NAE1: variants seen among roughly 807,000 people sequenced by gnomAD.
The protein encoded by NAE1 is NEDD8 activating enzyme E1 subunit 1.
NAE1 carries 59 observed loss-of-function variants against 88.0 expected under a neutral mutation model. The ratio of observed to expected loss-of-function variants is 0.67; its 90% CI spans 0.54 to 0.83. The LOEUF (loss-of-function observed/expected upper bound fraction) is 0.83, where lower values mean the gene tolerates loss of function less well. NAE1 is among the 40% of genes least tolerant of loss of function. The pLI, the probability that NAE1 is intolerant of heterozygous loss-of-function variation, is 0.00. For synonymous variants in NAE1, 186 were observed against 208.9 expected (o/e 0.89, Z 0.95); for missense variants, 554 against 632.8 (o/e 0.88, Z 1.34).
Position 66,830,834 on chromosome 16 carries a change from A to G in NAE1, c.53+13T>C. 6.6e-7 allele frequency: 1 copy of G among 1,508,678 alleles called. No individual in the cohort carries two copies. Among genetic ancestry groups the G allele is most frequent in the Non-Finnish European group, 8.8e-7 (1 of 1,135,698 alleles). The allele number at this position is 1,508,678 out of a possible 1,614,324, so 93.5% of individuals were successfully genotyped here. On this transcript the variant is annotated intron_variant, in intron 1 of 19. Transcript: ENST00000290810. ...CCGCCGGCCCGCCCTCGGCTCGGTG[A>G]GCCTCGGCTCACCTCAGCTGCCGGT...
In NAE1 at chr16:66,830,928, G is replaced by A. The variant is rs905698994; in HGVS notation, c.-29C>T. 1.2e-5 allele frequency: 18 copies of A among 1,512,850 alleles called. No homozygotes were observed. The highest frequency in any genetic ancestry group is 1.1e-4 in the East Asian group (4 of 36,416). The allele number at this position is 1,512,850 out of a possible 1,614,324, so 93.7% of individuals were successfully genotyped here. ...CGCGCCTGCCGCGCGGAAAACAGCC[G>A]AGCCCCTGCGGAGCGCCGCCACCAG... On this transcript the variant is annotated 5_prime_UTR_variant, in exon 1 of 20. Coordinates refer to ENST00000290810, the MANE Select transcript of NAE1 (RefSeq NM_003905.4).
rs363208 is a variant in NAE1 at position 66,819,165 on chromosome 16, G to C, written c.512-528C>G. On this transcript the variant is annotated intron_variant, in intron 7 of 19. Transcript: ENST00000290810. ...TAAAAGTAAAACCAAGATTCCTTTA[G>C]AACACAATTTGTTCTAACTGGAAAA... 4.3e-3 allele frequency among the ~76,000 whole-genome samples: 651 copies of C among 152,212 alleles called. 15 individuals are homozygous for C. Among genetic ancestry groups the C allele is most frequent in the Admixed American group, 0.037 (561 of 15,284 alleles).
At position 66,806,166 on chromosome 16, in the gene NAE1, T is replaced by C; in HGVS notation, c.1331-140A>G. 7 of 965,618 alleles carry C rather than the reference T, an allele frequency of 7.2e-6. No homozygotes were observed. The South Asian group carries it at 1.0e-4, about 14-fold the overall frequency. The allele number at this position is 965,618 out of a possible 1,614,324, so 59.8% of individuals were successfully genotyped here. A position where few individuals can be genotyped will look rare whatever the true frequency, so the allele number is the denominator to read the frequency against. On this transcript the variant is annotated intron_variant, in intron 17 of 19. Coordinates refer to ENST00000290810, the MANE Select transcript of NAE1 (RefSeq NM_003905.4). ...CAAAAATAACAAAGTATGAGACCAA[T>C]ATTTGCACATATCACAAACCTATAA...
At chr16:66,817,663 AC>A (rs1404409265) in intron 8 of NAE1, among the ~76,000 whole-genome samples, 176 bp from the exon 9 acceptor site, 1 of 152,180 alleles carries the variant, frequency 6.6e-6, no homozygotes, top group Non-Finnish European at 1.5e-5. Context: ...AGAGGCAGAT[AC>A]CTAGTATGTC....
chr16:66,828,188 T>C (rs144299179), intron 1 of NAE1: 2 of 817,622 alleles, frequency 2.4e-6, no homozygotes, highest in Middle Eastern at 4.9e-4. Flanking sequence ...GAGAGTAAAT[T>C]TAAGAATACT....
intron 1 of NAE1, 53 bp downstream of exon 1, chr16:66,830,794 C>T: frequency 6.7e-7 from 1 of 1,492,936 alleles, no homozygotes; most frequent in Non-Finnish European, 8.9e-7. Flanking sequence ...AGGCCCGGCC[C>T]GAATGCTGGA....
At chr16:66,803,621 C>T (rs1342214431) in intron 19 of NAE1, among the ~76,000 whole-genome samples, 1 of 150,568 alleles carries the variant, frequency 6.6e-6, no homozygotes, top group Non-Finnish European at 1.5e-5. Flanking sequence ...ACTAGAGTCT[C>T]ACTCTGTCAC....
chr16:66,815,412 G>T (rs1440492430), intron 11 of NAE1, among the ~76,000 whole-genome samples: 1 of 152,126 alleles, frequency 6.6e-6, no homozygotes, highest in Non-Finnish European at 1.5e-5. Flanking sequence ...GCAGTGCAGT[G>T]GCACAATCAT....
At chr16:66,821,689 G>A in intron 6 of NAE1, 130 bp from the exon 7 acceptor site, 1 of 691,438 alleles carries the variant, frequency 1.4e-6, no homozygotes, top group Admixed American at 3.7e-5. Context: ...GTACATAACT[G>A]CATTTACATA....
intron 11 of NAE1, among the ~76,000 whole-genome samples, chr16:66,815,813 C>A (rs1271397299): frequency 2.0e-5 from 3 of 151,796 alleles, no homozygotes; most frequent in Admixed American, 2.0e-4. Context: ...AGGTGCCCAC[C>A]ACCATGCCCA....
At position 66,830,849 on chromosome 16, in the gene NAE1, C is replaced by G. The variant is rs1288066506; in HGVS notation, c.51G>C (p.Leu17=). The change falls in exon 1 of 20, where the codon CTG becomes CTC. Residue 17 remains leucine (L), a splice_region_variant and synonymous_variant. Transcript: ENST00000290810. ...CGGCTCGGTGAGCCTCGGCTCACCT[C>G]AGCTGCCGGTCGTACTTCTGCTCCT... ...LLKEQKYDRQ[L]RLWGDHGQEA... is the part of the protein sequence containing the mutation. The G allele has an allele frequency of 6.6e-7, 1 of 1,521,086 alleles. No homozygotes were observed. Among genetic ancestry groups the G allele is most frequent in the Non-Finnish European group, 8.8e-7 (1 of 1,142,660 alleles). The allele number at this position is 1,521,086 out of a possible 1,614,324, so 94.2% of individuals were successfully genotyped here. A position where few individuals can be genotyped will look rare whatever the true frequency, so the allele number is the denominator to read the frequency against.
chr16:66,823,156 CTG>C (rs982200185), intron 6 of NAE1, 69 bp downstream of exon 6: 24 of 845,464 alleles, frequency 2.8e-5, no homozygotes, highest in Non-Finnish European at 4.2e-5. Context: ...TCATCATAGA[CTG>C]TGCAAAGAAA....
chr16:66,816,498 A>T, intron 11 of NAE1, 83 bp downstream of exon 11: 1 of 1,001,812 alleles, frequency 1.0e-6, no homozygotes, highest in East Asian at 2.4e-5. Context: ...TATTAACTTA[A>T]ATCATTATAG....
Position 66,817,013 on chromosome 16 carries a change from G to A in NAE1, c.700C>T (p.Pro234Ser). 6.3e-7 allele frequency: 1 copy of A among 1,593,986 alleles called. No individual in the cohort carries two copies. The highest frequency in any genetic ancestry group is 8.5e-7 in the Non-Finnish European group (1 of 1,174,726). ...TCCTCTTTTTCTTTATACGTTTTAGGTATTCGTCCATTTGTCTAAATTGGT... is the reference window on the plus strand; with the variant it reads ...TCCTCTTTTTCTTTATACGTTTTAGATATTCGTCCATTTGTCTAAATTGGT... ...QWYSETNGRI[P>S]KTYKEKEDFR... Residue 234 changes from proline to serine, a missense_variant, in exon 10 of 20, where the codon CCT (proline) becomes TCT (serine). Transcript: ENST00000290810.
Position 66,830,939 on chromosome 16 carries a change from G to A in NAE1, c.-40C>T, listed in dbSNP as rs752254650. On this transcript the variant is annotated 5_prime_UTR_variant, in exon 1 of 20. Transcript: ENST00000290810. ...CGCGGAAAACAGCCGAGCCCCTGCG[G>A]AGCGCCGCCACCAGCTCCACAAGCG... 16 of 1,494,284 alleles carry A rather than the reference G, an allele frequency of 1.1e-5. No individual in the cohort carries two copies. Among genetic ancestry groups the A allele is most frequent in the Middle Eastern group, 1.7e-4 (1 of 5,818 alleles). The allele number at this position is 1,494,284 out of a possible 1,614,324, so 92.6% of individuals were successfully genotyped here. A position where few individuals can be genotyped will look rare whatever the true frequency, so the allele number is the denominator to read the frequency against.
Position 66,810,386 on chromosome 16 carries a change from A to G in NAE1, c.1138T>C (p.Leu380=), listed in dbSNP as rs763674878. 1.3e-6 allele frequency: 2 copies of G among 1,599,804 alleles called. No individual in the cohort carries two copies. The highest frequency in any genetic ancestry group is 2.2e-5 in the South Asian group (2 of 90,518). ...QAPESISEKE[L]KLLCSNSAFL... ...CAAGGGGACTTACAGAGTAATTTTA[A>G]TTCTTTCTCTGAAATGGACTCTGGT... Residue 380 remains leucine (L), a synonymous_variant, in exon 15 of 20, where the codon TTA becomes CTA. Transcript: ENST00000290810.
intron 7 of NAE1, among the ~76,000 whole-genome samples, chr16:66,820,960 T>C (rs949072185): frequency 4.0e-5 from 6 of 150,634 alleles, no homozygotes; most frequent in African/African-American, 1.2e-4. Flanking sequence ...TCCCAGATAC[T>C]TGGGAGGCTG....
chr16:66,819,566 T>C (rs1960170266), intron 7 of NAE1, among the ~76,000 whole-genome samples: 1 of 152,234 alleles, frequency 6.6e-6, no homozygotes, highest in African/African-American at 2.4e-5. Flanking sequence ...TTATCCAAAA[T>C]GCTTGGGACC....
Position 66,818,535 on chromosome 16 carries a change from T to TC in NAE1, c.613dup (p.Glu205GlyfsTer16). The TC allele has an allele frequency of 6.2e-7, 1 of 1,608,316 alleles. No homozygotes were observed. Among genetic ancestry groups the TC allele is most frequent in the Non-Finnish European group, 8.5e-7 (1 of 1,178,028 alleles). Reference sequence around the variant, plus strand: ...GTCACACACACTACCAACCTTTTTTTCCATATGATCCAAATCATAGGACTG... The same window carrying TC: ...GTCACACACACTACCAACCTTTTTTTCCCATATGATCCAAATCATAGGACTG... On this transcript the variant is annotated frameshift_variant, in exon 8 of 20. Coordinates refer to ENST00000290810, the MANE Select transcript of NAE1 (RefSeq NM_003905.4). LOFTEE classifies it high-confidence loss of function.
Sources: gnomAD v4.1 joint callset for allele counts (sites outside exome capture counted in the v4.1 genomes callset) on GRCh38, gnomAD v4.1.1 for gene constraint, MANE v1.5 for transcripts, NCBI Gene and HGNC (gene_info 2026-07-23, HGNC 2026-07-21) for gene names.